The following PLEKHG1 variants were observed in gnomAD, a reference collection of about 807,000 sequenced individuals.
PLEKHG1 encodes pleckstrin homology and RhoGEF domain containing G1.
PLEKHG1 carries 44 observed loss-of-function variants against 100.8 expected under a neutral mutation model. The ratio of observed to expected loss-of-function variants is 0.44; its 90% CI spans 0.34 to 0.56. The LOEUF is 0.56. Ranked by LOEUF, PLEKHG1 falls within the 20% of genes least tolerant of loss-of-function variation. PLEKHG1 has a pLI of 0.01. For missense variants in PLEKHG1, 1,545 were observed against 1,720.9 expected (o/e 0.90, Z 1.81); for synonymous variants, 640 against 662.5 (o/e 0.97, Z 0.52).
At chr6:150,660,611 T>G (rs938386824) in intron 3 of PLEKHG1, among the ~76,000 whole-genome samples, 1 of 152,228 alleles carries the variant, frequency 6.6e-6, no homozygotes, top group Non-Finnish European at 1.5e-5. Context: ...ATAATTTCAT[T>G]AAGTATGGGC....
chr6:150,718,703 C>T (rs1003644818), upstream of PLEKHG1, among the ~76,000 whole-genome samples: 1 of 152,108 alleles, frequency 6.6e-6, no homozygotes, highest in Non-Finnish European at 1.5e-5. Context: ...CTTCTGACCT[C>T]GTGATCCACC....
At chr6:150,840,520 T>A (rs774276926) in exon 16 of PLEKHG1, 2 of 1,614,108 alleles carry the variant, frequency 1.2e-6, no homozygotes, top group Admixed American at 1.7e-5. Flanking sequence ...AATGCCCAAA[T>A]TGCAACACAG....
chr6:150,773,984 T>C (rs139293482), intron 3 of PLEKHG1, among the ~76,000 whole-genome samples: 2 of 152,210 alleles, frequency 1.3e-5, no homozygotes, highest in Non-Finnish European at 2.9e-5. Context: ...GACTAGAACA[T>C]TTTCTCTATT....
At chr6:150,721,901 A>G (rs1023098928) in intron 1 of PLEKHG1, among the ~76,000 whole-genome samples, 1 of 152,182 alleles carries the variant, frequency 6.6e-6, no homozygotes. Flanking sequence ...CATATTGAAT[A>G]TAAAAATTAT....
exon 4 of PLEKHG1, chr6:150,786,440 C>T: frequency 3.7e-6 from 6 of 1,612,054 alleles, no homozygotes; most frequent in Non-Finnish European, 5.1e-6. Context: ...GTGGCCATAG[C>T]AGAGTGTTTT....
chr6:150,609,925 C>T (rs62432655), intron 1 of PLEKHG1, among the ~76,000 whole-genome samples: 18,132 of 152,114 alleles, frequency 0.12, 1,205 homozygotes, highest in East Asian at 0.21. Context: ...CCGTTTCCCA[C>T]GTCCAGCATC....
intron 3 of PLEKHG1, among the ~76,000 whole-genome samples, chr6:150,684,575 A>C (rs561569740): frequency 6.6e-6 from 1 of 152,300 alleles, no homozygotes; most frequent in South Asian, 2.1e-4. Flanking sequence ...GGTTCTGGCC[A>C]ACCCTGTGTC....
intron 10 of PLEKHG1, among the ~76,000 whole-genome samples, chr6:150,813,931 A>T (rs1456902908): frequency 6.6e-6 from 1 of 152,124 alleles, no homozygotes; most frequent in African/African-American, 2.4e-5. Flanking sequence ...TGATCATGAA[A>T]ATTGAACTGG....
chr6:150,669,779 G>A (rs1417303058), intron 3 of PLEKHG1, among the ~76,000 whole-genome samples: 1 of 151,754 alleles, frequency 6.6e-6, no homozygotes, highest in Non-Finnish European at 1.5e-5. Flanking sequence ...TGTATTTTTA[G>A]TAGAGACAGG....
chr6:150,799,939 C>T (rs1274149637), intron 5 of PLEKHG1, among the ~76,000 whole-genome samples: 2 of 152,148 alleles, frequency 1.3e-5, no homozygotes, highest in Non-Finnish European at 2.9e-5. Flanking sequence ...CTTTGTGATA[C>T]GAGCATTGTT....
chr6:150,833,154 C>T (rs1777047151), intron 15 of PLEKHG1, among the ~76,000 whole-genome samples: 2 of 151,718 alleles, frequency 1.3e-5, no homozygotes, highest in African/African-American at 2.4e-5. Flanking sequence ...GTGATCCTCC[C>T]ACCTCAGCCT....
chr6:150,606,120 T>C (rs1177103731), intron 1 of PLEKHG1, among the ~76,000 whole-genome samples: 1 of 152,212 alleles, frequency 6.6e-6, no homozygotes, highest in Non-Finnish European at 1.5e-5. Flanking sequence ...GTTTAAAACA[T>C]TTACTTTGGT....
At chr6:150,614,480 G>T (rs879913858) in intron 1 of PLEKHG1, among the ~76,000 whole-genome samples, 40 of 150,856 alleles carry the variant, frequency 2.7e-4, no homozygotes, top group Admixed American at 2.6e-3. Flanking sequence ...GTGCTTGGCC[G>T]TTAGCAGCTG....
intron 15 of PLEKHG1, among the ~76,000 whole-genome samples, chr6:150,834,185 C>CTAGA (rs1777106173): frequency 6.6e-6 from 1 of 152,128 alleles, no homozygotes; most frequent in Non-Finnish European, 1.5e-5. Flanking sequence ...GACTAGAATG[C>CTAGA]ATGTATTTTT....
At chr6:150,744,843 A>C (rs1275339332) in intron 2 of PLEKHG1, among the ~76,000 whole-genome samples, 1 of 152,188 alleles carries the variant, frequency 6.6e-6, no homozygotes, top group Non-Finnish European at 1.5e-5. Flanking sequence ...TCCGGGATAT[A>C]TGTGGTCCCA....
intron 15 of PLEKHG1, among the ~76,000 whole-genome samples, chr6:150,832,740 C>T (rs1462352231): frequency 7.1e-6 from 1 of 140,724 alleles, no homozygotes; most frequent in African/African-American, 2.7e-5. Context: ...AGTACAGTGA[C>T]ACAATCACAG....
intron 5 of PLEKHG1, 80 bp downstream of exon 6, chr6:150,795,982 G>T: frequency 1.1e-6 from 1 of 893,706 alleles, no homozygotes; most frequent in South Asian, 1.4e-5. Context: ...ACACATGGTT[G>T]TTAGGCATTC....
intron 6 of PLEKHG1, among the ~76,000 whole-genome samples, chr6:150,804,175 A>ATATATATATATTTATTTTTTTTTTT (rs1173213745): frequency 2.3e-5 from 1 of 43,176 alleles, no homozygotes; most frequent in African/African-American, 9.9e-5. Context: ...ATATATATAT[A>ATATATATATATTTATTTTTTTTTTT]TTTTTTTTTT....
chr6:150,672,517 T>G (rs1779616519), intron 3 of PLEKHG1, among the ~76,000 whole-genome samples: 1 of 152,260 alleles, frequency 6.6e-6, no homozygotes, highest in Admixed American at 6.5e-5. Context: ...AAATATTTCA[T>G]TAGTTGCTCA....
Sources: gnomAD v4.1 joint callset for allele counts (sites outside exome capture counted in the v4.1 genomes callset) on GRCh38, gnomAD v4.1.1 for gene constraint, MANE v1.5 for transcripts, NCBI Gene and HGNC (gene_info 2026-07-23, HGNC 2026-07-21) for gene names.